STK40: variants seen among roughly 807,000 people sequenced by gnomAD.
The protein encoded by STK40 is serine/threonine kinase 40.
In STK40, 13 loss-of-function variants were observed where a neutral mutation model predicts 47.9. That is an observed-to-expected ratio of 0.27 (90% CI 0.18 to 0.43). The LOEUF is 0.43. STK40 is among the 20% of genes least tolerant of loss of function. The pLI, the probability that STK40 is intolerant of heterozygous loss-of-function variation, is 1.00. For missense variants in STK40, 460 were observed against 595.1 expected (o/e 0.77, Z 2.36); for synonymous variants, 225 against 243.2 (o/e 0.93, Z 0.69).
At position 36,341,650 on chromosome 1, in the gene STK40, T is replaced by A. The variant is rs570051370; in HGVS notation, c.*105A>T. 3.8e-5 allele frequency: 54 copies of A among 1,403,174 alleles called. No individual in the cohort carries two copies. Among genetic ancestry groups the A allele is most frequent in the Middle Eastern group, 5.1e-4 (2 of 3,934 alleles). The allele number at this position is 1,403,174 out of a possible 1,614,324, so 86.9% of individuals were successfully genotyped here. ...GTCCCTGTCCCTGCCCTGTCCCTAT[T>A]GTGGCCCGGGAGAGTCCAGCACTAC... On this transcript the variant is annotated 3_prime_UTR_variant, in exon 11 of 11. Transcript: ENST00000373132.
intron 4 of STK40, among the ~76,000 whole-genome samples, chr1:36,358,035 C>G (rs1200926901): frequency 6.6e-6 from 1 of 152,190 alleles, no homozygotes; most frequent in Non-Finnish European, 1.5e-5. Flanking sequence ...AGGCTATAAC[C>G]ATCCCCACAG....
At chr1:36,351,336 A>C (rs554161426) in intron 6 of STK40, among the ~76,000 whole-genome samples, 1 of 152,274 alleles carries the variant, frequency 6.6e-6, no homozygotes, top group African/African-American at 2.4e-5. Context: ...GAAGGCCTCC[A>C]GCTGGTCCGC....
intron 4 of STK40, 65 bp from the exon 5 acceptor site, chr1:36,355,498 G>A: frequency 2.0e-6 from 3 of 1,535,310 alleles, no homozygotes; most frequent in Admixed American, 3.3e-5. Flanking sequence ...CCAGGGCCTG[G>A]GACTCTCCTC....
chr1:36,345,580 T>A (rs1477693252), intron 7 of STK40, among the ~76,000 whole-genome samples: 2 of 152,212 alleles, frequency 1.3e-5, no homozygotes, highest in African/African-American at 4.8e-5. Flanking sequence ...GCTGACCCCA[T>A]GGCTGACTCA....
At chr1:36,356,518 C>CAGGTTCAT (rs1646806642) in intron 4 of STK40, among the ~76,000 whole-genome samples, 1 of 150,196 alleles carries the variant, frequency 6.7e-6, no homozygotes, top group South Asian at 2.1e-4. Context: ...CTCTGCCTCC[C>CAGGTTCAT]AGGTTCATGC....
chr1:36,345,991 A>ATATATATATTTTT, intron 7 of STK40, among the ~76,000 whole-genome samples: 1 of 26,466 alleles, frequency 3.8e-5, no homozygotes, highest in African/African-American at 1.4e-4. Context: ...ATATATATAT[A>ATATATATATTTTT]TTTTTTTTTT....
At chr1:36,343,054 G>A in intron 10 of STK40, 1 of 603,016 alleles carries the variant, frequency 1.7e-6, no homozygotes, top group Non-Finnish European at 3.0e-6. Flanking sequence ...GAGTCAGGGG[G>A]CAGAGAAATG....
At chr1:36,359,082 C>T (rs896364795) in intron 2 of STK40, among the ~76,000 whole-genome samples, 10 of 152,198 alleles carry the variant, frequency 6.6e-5, no homozygotes, top group Admixed American at 1.3e-4. Flanking sequence ...CCTGGGTGCA[C>T]GCTGGAATGT....
intron 1 of STK40, among the ~76,000 whole-genome samples, chr1:36,376,022 CAAA>C (rs1317801280): frequency 7.7e-6 from 1 of 129,056 alleles, no homozygotes; most frequent in Non-Finnish European, 1.7e-5. Context: ...AACTCCATCT[CAAA>C]AAAAAAAAAA....
At chr1:36,383,616 T>C (rs146406892) in intron 1 of STK40, among the ~76,000 whole-genome samples, 5 of 152,358 alleles carry the variant, frequency 3.3e-5, no homozygotes, top group African/African-American at 1.2e-4. Flanking sequence ...GGGACTCCAG[T>C]GAAATCTTTC....
At chr1:36,358,691 G>A in intron 3 of STK40, 46 bp downstream of exon 3, 2 of 1,598,926 alleles carry the variant, frequency 1.3e-6, no homozygotes, top group African/African-American at 1.3e-5. Flanking sequence ...GGGTTGGCAT[G>A]ACAGGCCCTG....
chr1:36,353,428 G>A (rs530462626), intron 6 of STK40, among the ~76,000 whole-genome samples: 9 of 152,176 alleles, frequency 5.9e-5, no homozygotes, highest in Non-Finnish European at 1.0e-4. Context: ...ACCCTCTGTC[G>A]AGGCGGGATG....
At chr1:36,351,503 C>T (rs1646752605) in intron 6 of STK40, among the ~76,000 whole-genome samples, 1 of 152,294 alleles carries the variant, frequency 6.6e-6, no homozygotes, top group South Asian at 2.1e-4. Context: ...CTCTGCACCA[C>T]ACTACCCTGC....
chr1:36,360,544 TA>T (rs1207021852), intron 2 of STK40, among the ~76,000 whole-genome samples: 4 of 150,604 alleles, frequency 2.7e-5, no homozygotes, highest in African/African-American at 7.5e-5. Context: ...TATTTTATTT[TA>T]TTTTTTTAGA....
At chr1:36,373,918 TC>T (rs1233764744) in intron 1 of STK40, among the ~76,000 whole-genome samples, 1 of 152,204 alleles carries the variant, frequency 6.6e-6, no homozygotes, top group Non-Finnish European at 1.5e-5. Context: ...CCTGCTCTGC[TC>T]CCAGCCTGTG....
In STK40 at chr1:36,376,092, T is replaced by C. The variant is rs184899989; in HGVS notation, c.-9+9631A>G. Among the ~76,000 whole-genome samples, 292 of 152,086 alleles carry C rather than the reference T, an allele frequency of 1.9e-3. 1 individual carries two copies. Among genetic ancestry groups the C allele is most frequent in the Non-Finnish European group, 2.9e-3 (195 of 68,012 alleles). ...TCACTTTCTGAAGTTTGACTGAATG[T>C]TGAGGGCTATGGCTGCTCAGAGGGG... On this transcript the variant is annotated intron_variant, in intron 1 of 10. Transcript: ENST00000373132.
At chr1:36,369,493 C>T (rs1352558055) in intron 1 of STK40, among the ~76,000 whole-genome samples, 11 of 152,138 alleles carry the variant, frequency 7.2e-5, no homozygotes, top group Admixed American at 7.2e-4. Context: ...TTTATATGCA[C>T]CCTAAATCCA....
At chr1:36,361,069 G>C in intron 2 of STK40, 152 bp downstream of exon 2, 8 of 806,776 alleles carry the variant, frequency 9.9e-6, no homozygotes, top group Non-Finnish European at 1.6e-5. Context: ...TTCAAGTAGT[G>C]AAGCTAGGGA....
chr1:36,356,700 C>T (rs1320098112), intron 4 of STK40, among the ~76,000 whole-genome samples: 1 of 152,156 alleles, frequency 6.6e-6, no homozygotes, highest in Non-Finnish European at 1.5e-5. Context: ...GCTGGGTTTA[C>T]AGGCATAAGC....
Sources: allele counts gnomAD v4.1 joint callset (sites outside exome capture counted in the v4.1 genomes callset), GRCh38; gene constraint gnomAD v4.1.1; transcripts MANE v1.5; gene names NCBI Gene and HGNC (gene_info 2026-07-23, HGNC 2026-07-21).